The following ADCY1 variants were observed in gnomAD, a reference collection of about 807,000 sequenced individuals.
The protein encoded by ADCY1 is adenylate cyclase type 1.
A neutral mutation model predicts 105.4 loss-of-function variants in ADCY1; 28 were observed. That is an observed-to-expected ratio of 0.27 (90% CI 0.20 to 0.36). The LOEUF (loss-of-function observed/expected upper bound fraction) is 0.36, where lower values mean the gene tolerates loss of function less well. Ranked by LOEUF, ADCY1 falls within the 10% of genes least tolerant of loss-of-function variation. The pLI is 1.00. For synonymous variants in ADCY1, 655 were observed against 623.8 expected (o/e 1.05, Z -0.75); for missense variants, 977 against 1,434.2 (o/e 0.68, Z 5.15).
chr7:45,699,107 G>A (rs1005953053), intron 14 of ADCY1, among the ~76,000 whole-genome samples: 2 of 152,236 alleles, frequency 1.3e-5, no homozygotes, highest in Admixed American at 6.5e-5. Flanking sequence ...CCCTGCCTGG[G>A]AGAAGCCTTA....
chr7:45,583,329 G>C (rs370854973), intron 1 of ADCY1, among the ~76,000 whole-genome samples: 14 of 152,358 alleles, frequency 9.2e-5, no homozygotes, highest in African/African-American at 3.1e-4. Context: ...CAGGTGGACA[G>C]GATGCTGCCA....
At chr7:45,643,300 A>C (rs1049326536) in intron 4 of ADCY1, among the ~76,000 whole-genome samples, 1 of 151,940 alleles carries the variant, frequency 6.6e-6, no homozygotes. Flanking sequence ...AAAATAAATT[A>C]TGAGTTTATA....
At chr7:45,609,542 G>T (rs949127699) in intron 2 of ADCY1, among the ~76,000 whole-genome samples, 5 of 152,194 alleles carry the variant, frequency 3.3e-5, no homozygotes, top group Non-Finnish European at 7.3e-5. Flanking sequence ...CTGATTCTAC[G>T]TGGGATTTAA....
Position 45,717,201 on chromosome 7 carries a change from G to A in ADCY1, c.*3206G>A, listed in dbSNP as rs1276200848. 3.3e-5 allele frequency: 5 copies of A among 152,238 alleles called. No individual in the cohort carries two copies. Among genetic ancestry groups the A allele is most frequent in the Non-Finnish European group, 7.3e-5 (5 of 68,080 alleles). The allele number at this position is 152,238 out of a possible 1,614,324, so 9.4% of individuals were successfully genotyped here. ...GTGGCCACTTGTAGGGCAGTGAGAG[G>A]AAGCCGTCGCGGGGACCATGCTGCC... is the stretch of plus-strand genomic sequence containing the variant. On this transcript the variant is annotated 3_prime_UTR_variant, in exon 20 of 20. Coordinates refer to ENST00000297323, the MANE Select transcript of ADCY1 (RefSeq NM_021116.4).
intron 4 of ADCY1, among the ~76,000 whole-genome samples, chr7:45,644,608 G>C (rs1794611622): frequency 6.6e-6 from 1 of 152,104 alleles, no homozygotes. Flanking sequence ...GGGAGGGAGG[G>C]GGCAGCTCTT....
chr7:45,649,355 A>G (rs1315825220), intron 5 of ADCY1, among the ~76,000 whole-genome samples: 4 of 152,170 alleles, frequency 2.6e-5, no homozygotes, highest in Non-Finnish European at 5.9e-5. Flanking sequence ...TGGGATGAAG[A>G]CACAGATGTT....
chr7:45,676,085 A>C (rs1784451712), intron 8 of ADCY1, among the ~76,000 whole-genome samples: 1 of 149,976 alleles, frequency 6.7e-6, no homozygotes, highest in African/African-American at 2.5e-5. Context: ...TTCATTGTTC[A>C]GATTGGATAA....
intron 7 of ADCY1, among the ~76,000 whole-genome samples, 173 bp from the exon 8 acceptor site, chr7:45,661,886 G>T (rs1385038362): frequency 3.9e-5 from 6 of 152,046 alleles, no homozygotes; most frequent in Admixed American, 3.9e-4. Context: ...ATATGGTTTT[G>T]TTTGCTGCTC....
rs1379365098 is a variant in ADCY1, at chr7:45,710,173, AC to A, written c.2933-354del. ...CTGTAATCACAGATATTGAAAGGCC[AC>A]ACTTCTGAGTGGCTCCCCTGGTAGG... is the stretch of plus-strand genomic sequence containing the variant. On this transcript the variant is annotated intron_variant, in intron 18 of 19. Coordinates refer to ENST00000297323, the MANE Select transcript of ADCY1 (RefSeq NM_021116.4). The surrounding 1 kb of genome is among the most constrained non-coding windows in gnomAD (Gnocchi z 4.7). 1.3e-5 allele frequency among the ~76,000 whole-genome samples: 2 copies of A among 152,188 alleles called. No homozygotes were observed. Among genetic ancestry groups the A allele is most frequent in the African/African-American group, 4.8e-5 (2 of 41,440 alleles).
chr7:45,686,124 C>T lies in ADCY1; in HGVS notation c.2236C>T (p.Arg746Trp). Reference protein sequence around the residue: ...VGTLPLAIFFRVSSLPKMILL... With the variant: ...VGTLPLAIFFWVSSLPKMILL... ...CACCCTCCCGCTAGCCATATTTTTCCGGGTGTCCTCCTTGCCAAAAATGAT... is the reference window on the plus strand; with the variant it reads ...CACCCTCCCGCTAGCCATATTTTTCTGGGTGTCCTCCTTGCCAAAAATGAT... Residue 746 changes from arginine (R) to tryptophan (W), a missense_variant, in exon 13 of 20, where the codon CGG (arginine) becomes TGG (tryptophan). Arg to Trp is a moderately radical substitution (Grantham distance 101). Around this residue, in one of 7 missense-constraint regions of ADCY1, gnomAD observed 275 missense variants for 362.1 expected, o/e 0.76. Transcript: ENST00000297323. This position sits in a 1 kb window ranked among gnomAD's most constrained non-coding sequence, Gnocchi z 4.3. 7 of 1,614,158 alleles carry T rather than the reference C, an allele frequency of 4.3e-6. No individual in the cohort carries two copies. The highest frequency in any genetic ancestry group is 5.9e-6 in the Non-Finnish European group (7 of 1,180,028).
In ADCY1 at chr7:45,686,396, G is replaced by T. The variant is rs1182901306; in HGVS notation, c.2328-151G>T. 32 of 1,404,916 alleles carry T rather than the reference G, an allele frequency of 2.3e-5. No individual in the cohort carries two copies. The highest frequency in any genetic ancestry group is 2.9e-5 in the Non-Finnish European group (31 of 1,051,236). 87.0% of individuals were successfully genotyped at this position (1,404,916 alleles called of 1,614,324 possible). A position where few individuals can be genotyped will look rare whatever the true frequency, so the allele number is the denominator to read the frequency against. ...CTAGCAAGGACTCAGATTTCCCTATGATAAGTGATTCTTGGCCAAGGTCAA... is the reference window on the plus strand; with the variant it reads ...CTAGCAAGGACTCAGATTTCCCTATTATAAGTGATTCTTGGCCAAGGTCAA... On this transcript the variant is annotated intron_variant, in intron 13 of 19. Coordinates refer to ENST00000297323, the MANE Select transcript of ADCY1 (RefSeq NM_021116.4). This position sits in a 1 kb window ranked among gnomAD's most constrained non-coding sequence, Gnocchi z 4.3.
chr7:45,674,933 A>G (rs1475405496), intron 8 of ADCY1, among the ~76,000 whole-genome samples: 3 of 152,146 alleles, frequency 2.0e-5, no homozygotes, highest in Non-Finnish European at 4.4e-5. Context: ...ATATATTGCT[A>G]TATTTTGAAG....
At position 45,575,661 on chromosome 7, in the gene ADCY1, C is replaced by T. The variant is rs145162581; in HGVS notation, c.639+479C>T. ...GGCTCGCCTCCCAACCCTGCGGACC[C>T]GAGGGTGGTATATGGGTGGTGGGAA... On this transcript the variant is annotated intron_variant, in intron 1 of 19. Transcript: ENST00000297323. This position sits in a 1 kb window ranked among gnomAD's most constrained non-coding sequence, Gnocchi z 4.7. Among the ~76,000 whole-genome samples, 1,082 of 152,364 alleles carry T rather than the reference C, an allele frequency of 7.1e-3. 8 individuals are homozygous for T. Among genetic ancestry groups the T allele is most frequent in the Middle Eastern group, 0.031 (9 of 294 alleles).
At position 45,659,955 on chromosome 7, in the gene ADCY1, CTG is replaced by C. The variant is rs1308032355; in HGVS notation, c.1308-84_1308-83del. 3 of 1,530,136 alleles carry C rather than the reference CTG, an allele frequency of 2.0e-6. No homozygotes were observed. In the African/African-American group the frequency reaches 4.1e-5, roughly 21 times the overall value. 94.8% of individuals were successfully genotyped at this position (1,530,136 alleles called of 1,614,324 possible). ...TGCCCTGGTGTGGGGAAGCCTCTGTCTGTGCCCCTTCCCCTCTGGTAAGGCCC... is the reference window on the plus strand; with the variant it reads ...TGCCCTGGTGTGGGGAAGCCTCTGTCTGCCCCTTCCCCTCTGGTAAGGCCC... On this transcript the variant is annotated intron_variant, in intron 6 of 19. Transcript: ENST00000297323.
intron 14 of ADCY1, among the ~76,000 whole-genome samples, chr7:45,702,895 C>T (rs968504291): frequency 8.5e-5 from 13 of 152,204 alleles, no homozygotes; most frequent in Non-Finnish European, 1.5e-4. Context: ...CCTCAATGCC[C>T]AGAGGGATGT....
chr7:45,614,594 A>C (rs926785259), intron 3 of ADCY1, among the ~76,000 whole-genome samples: 1 of 152,208 alleles, frequency 6.6e-6, no homozygotes, highest in African/African-American at 2.4e-5. Context: ...AACACATAGC[A>C]TGGCTGAGTG....
At chr7:45,638,920 T>A (rs1360464523) in intron 4 of ADCY1, among the ~76,000 whole-genome samples, 2 of 152,142 alleles carry the variant, frequency 1.3e-5, no homozygotes, top group East Asian at 1.9e-4. Context: ...GTATAATTGA[T>A]GGCTGCAAGG....
chr7:45,678,907 T>TAAC (rs67337217), intron 10 of ADCY1, among the ~76,000 whole-genome samples: 4 of 151,362 alleles, frequency 2.6e-5, no homozygotes, highest in Non-Finnish European at 5.9e-5. Context: ...ATAATAATAA[T>TAAC]AACAATAACT....
At chr7:45,657,596 C>A in intron 5 of ADCY1, 131 bp from the exon 6 acceptor site, 1 of 995,080 alleles carries the variant, frequency 1.0e-6, no homozygotes, top group Non-Finnish European at 1.5e-6. Flanking sequence ...GAGACCTCCA[C>A]GCTCAGGCCA....
Sources: allele counts gnomAD v4.1 joint callset (sites outside exome capture counted in the v4.1 genomes callset), GRCh38; gene constraint gnomAD v4.1.1; regional missense constraint gnomAD v4.1.1; non-coding constraint Gnocchi (gnomAD v3.1); transcripts MANE v1.5; gene names NCBI Gene and HGNC (gene_info 2026-07-23, HGNC 2026-07-21).